Variants in RBFOX1 observed in about 807,000 individuals in gnomAD.
RBFOX1 encodes RNA binding protein fox-1 homolog 1.
RBFOX1 carries 8 observed loss-of-function variants against 57.7 expected under a neutral mutation model. The ratio of observed to expected loss-of-function variants is 0.14; its 90% CI spans 0.08 to 0.25. The LOEUF (loss-of-function observed/expected upper bound fraction) is 0.25. Ranked by LOEUF, RBFOX1 falls within the 10% of genes least tolerant of loss-of-function variation. The probability of loss-of-function intolerance (pLI) is 1.00; values close to 1 mark genes in which losing one functional copy is unlikely to be tolerated. For missense variants in RBFOX1, 611 were observed against 548.5 expected (o/e 1.11, Z -1.14); for synonymous variants, 326 against 222.4 (o/e 1.47, Z -4.15).
At chr16:5,536,092 C>G (rs2044682740) in intron 2 of RBFOX1, among the ~76,000 whole-genome samples, 1 of 53,224 alleles carries the variant, frequency 1.9e-5, no homozygotes, top group East Asian at 2.3e-3. Context: ...CCCAAGTCAT[C>G]AAGCCCCCCC....
intron 4 of RBFOX1, among the ~76,000 whole-genome samples, chr16:7,164,415 G>A (rs538045503): frequency 4.4e-4 from 67 of 152,252 alleles, no homozygotes; most frequent in Middle Eastern, 6.8e-3. Flanking sequence ...AAATAGTGCT[G>A]CTATAAACAT....
chr16:7,583,643 C>T (rs1489118198), intron 6 of RBFOX1, among the ~76,000 whole-genome samples: 1 of 152,158 alleles, frequency 6.6e-6, no homozygotes, highest in African/African-American at 2.4e-5. Flanking sequence ...ATTTACACAA[C>T]ACCCTTGTTG....
chr16:7,650,936 G>A (rs1056214179), intron 11 of RBFOX1, among the ~76,000 whole-genome samples: 1 of 151,994 alleles, frequency 6.6e-6, no homozygotes, highest in African/African-American at 2.4e-5. Context: ...GGATTTACTC[G>A]TGTTCCCCAT....
chr16:5,398,553 T>C (rs2066627218), intron 1 of RBFOX1, among the ~76,000 whole-genome samples: 1 of 151,376 alleles, frequency 6.6e-6, no homozygotes, highest in Admixed American at 6.6e-5. Context: ...CACGAGTTCG[T>C]GTGTGCATCT....
intron 1 of RBFOX1, among the ~76,000 whole-genome samples, chr16:6,206,313 C>G (rs554565736): frequency 6.6e-6 from 1 of 152,240 alleles, no homozygotes; most frequent in African/African-American, 2.4e-5. Flanking sequence ...CTTTGCCAAG[C>G]TAGTTACCTC....
intron 3 of RBFOX1, among the ~76,000 whole-genome samples, chr16:6,780,283 A>G (rs1257126943): frequency 2.2e-4 from 12 of 55,746 alleles, no homozygotes; most frequent in Non-Finnish European, 3.2e-4. Flanking sequence ...ATATATATTT[A>G]TACATATATA....
At chr16:6,629,556 C>T (rs1239475620) in intron 2 of RBFOX1, among the ~76,000 whole-genome samples, 1 of 152,106 alleles carries the variant, frequency 6.6e-6, no homozygotes, top group Non-Finnish European at 1.5e-5. Flanking sequence ...TAAAAATCAA[C>T]ATTAATTGGC....
chr16:5,411,832 C>G (rs769148000), intron 1 of RBFOX1, among the ~76,000 whole-genome samples: 3 of 152,084 alleles, frequency 2.0e-5, no homozygotes, highest in African/African-American at 7.2e-5. Flanking sequence ...GCAATGAACT[C>G]TGATTGCACC....
chr16:5,794,510 G>A (rs1459323746), intron 3 of RBFOX1, among the ~76,000 whole-genome samples: 2 of 151,418 alleles, frequency 1.3e-5, no homozygotes, highest in Non-Finnish European at 2.9e-5. Flanking sequence ...ATGCCAGCGT[G>A]CGTGTGTGTG....
intron 1 of RBFOX1, among the ~76,000 whole-genome samples, chr16:6,045,424 G>A (rs967419886): frequency 2.6e-5 from 4 of 152,202 alleles, no homozygotes; most frequent in Non-Finnish European, 5.9e-5. Flanking sequence ...TACAGACTCA[G>A]TGGGGTCTTG....
intron 10 of RBFOX1, among the ~76,000 whole-genome samples, chr16:7,629,873 G>C (rs951658921): frequency 1.3e-5 from 2 of 152,220 alleles, no homozygotes; most frequent in Non-Finnish European, 2.9e-5. Context: ...AAGGCAGAGA[G>C]CTTTAGGGAA....
At chr16:5,528,530 C>A (rs1264610676) in intron 2 of RBFOX1, among the ~76,000 whole-genome samples, 1 of 151,360 alleles carries the variant, frequency 6.6e-6, no homozygotes, top group East Asian at 2.0e-4. Context: ...CCTGCATATT[C>A]CCCCGACAGC....
chr16:7,187,550 G>A (rs867080337), intron 4 of RBFOX1, among the ~76,000 whole-genome samples: 4 of 151,076 alleles, frequency 2.6e-5, no homozygotes, highest in Non-Finnish European at 4.4e-5. Flanking sequence ...TTAGCCAGGC[G>A]TGGTGGCGGG....
At chr16:6,542,744 G>A (rs1029331667) in intron 2 of RBFOX1, among the ~76,000 whole-genome samples, 1 of 151,206 alleles carries the variant, frequency 6.6e-6, no homozygotes, top group Non-Finnish European at 1.5e-5. Context: ...TGCCTGCCTC[G>A]GCCCCCAGAA....
At chr16:7,189,403 GC>G (rs2084765750) in intron 4 of RBFOX1, among the ~76,000 whole-genome samples, 1 of 132,012 alleles carries the variant, frequency 7.6e-6, no homozygotes, top group Non-Finnish European at 1.5e-5. Context: ...TCCAGCCTGG[GC>G]GACAGAGCGA....
intron 3 of RBFOX1, among the ~76,000 whole-genome samples, chr16:6,864,690 C>T (rs943760703): frequency 2.0e-5 from 3 of 151,784 alleles, no homozygotes; most frequent in Non-Finnish European, 2.9e-5. Context: ...TAAAGCCTTT[C>T]AATAATGCAT....
At chr16:5,701,644 G>A (rs2051052893) in intron 3 of RBFOX1, among the ~76,000 whole-genome samples, 1 of 152,128 alleles carries the variant, frequency 6.6e-6, no homozygotes, top group Admixed American at 6.5e-5. Flanking sequence ...ATGTTGCCCA[G>A]GCTGGTCTCA....
chr16:7,228,888 T>C (rs1009900282), intron 4 of RBFOX1, among the ~76,000 whole-genome samples: 1 of 152,174 alleles, frequency 6.6e-6, no homozygotes, highest in African/African-American at 2.4e-5. Flanking sequence ...CTTCACGTTA[T>C]CTGTTGCATT....
At chr16:6,754,075 A>T (rs766780833) in intron 3 of RBFOX1, among the ~76,000 whole-genome samples, 12 of 152,160 alleles carry the variant, frequency 7.9e-5, no homozygotes, top group South Asian at 6.2e-4. Flanking sequence ...AAAAATAAAG[A>T]CACCCATAAT....
Sources: allele counts gnomAD v4.1 joint callset (sites outside exome capture counted in the v4.1 genomes callset), GRCh38; gene constraint gnomAD v4.1.1; transcripts MANE v1.5; gene names NCBI Gene and HGNC (gene_info 2026-07-23, HGNC 2026-07-21).